The following DSCAM variants were observed in gnomAD, a reference collection of about 807,000 sequenced individuals.
The protein encoded by DSCAM is cell adhesion molecule DSCAM.
DSCAM carries 47 observed loss-of-function variants against 217.7 expected under a neutral mutation model. The observed-to-expected ratio is 0.22, with a 90% CI of 0.17 to 0.28. The LOEUF is 0.28. DSCAM is among the 10% of genes least tolerant of loss of function. The probability of loss-of-function intolerance (pLI) is 1.00; values close to 1 mark genes in which losing one functional copy is unlikely to be tolerated. For missense variants in DSCAM, 2,080 were observed against 2,618.3 expected (o/e 0.79, Z 4.49); for synonymous variants, 1,056 against 1,015.3 (o/e 1.04, Z -0.76).
chr21:40,069,353 T>C (rs2089256218), intron 27 of DSCAM, among the ~76,000 whole-genome samples: 1 of 152,142 alleles, frequency 6.6e-6, no homozygotes, highest in Non-Finnish European at 1.5e-5. Context: ...GTTCTGTTTA[T>C]AGACCACAGC....
Position 40,780,415 on chromosome 21 carries a change from G to GTATATATATATATATATATA in DSCAM, c.43+66203_43+66204insTATATATATATATATATATA, listed in dbSNP as rs1392958197. Among the ~76,000 whole-genome samples, 4 of 44,188 alleles carry GTATATATATATATATATATA rather than the reference G, an allele frequency of 9.1e-5. No homozygotes were observed. The South Asian group carries it at 3.2e-3, about 36-fold the overall frequency. The allele number at this position is 44,188 out of a possible 152,430, so 29.0% of individuals were successfully genotyped here. ...AATATAAACGTGTGTGTGTGTGTGT[G>GTATATATATATATATATATA]TGTGTGTGTATATATATATATATAT... On this transcript the variant is annotated intron_variant, in intron 1 of 32. Transcript: ENST00000400454.
chr21:40,036,820 G>A lies in DSCAM; in HGVS notation c.5686+5551C>T, dbSNP rs2088633983. Among the ~76,000 whole-genome samples, 3 of 148,404 alleles carry A rather than the reference G, an allele frequency of 2.0e-5. No homozygotes were observed. The South Asian group carries it at 6.4e-4, about 31-fold the overall frequency. Reference sequence around the variant, plus strand: ...GCACATCAAAAAGCTTATCCACCATGATCAAGTGGGCTTCATCCCTGGGAT... The same window carrying A: ...GCACATCAAAAAGCTTATCCACCATAATCAAGTGGGCTTCATCCCTGGGAT... On this transcript the variant is annotated intron_variant, in intron 32 of 32. Coordinates refer to ENST00000400454, the MANE Select transcript of DSCAM (RefSeq NM_001389.5).
At chr21:40,743,563 C>A (rs372996944) in intron 1 of DSCAM, among the ~76,000 whole-genome samples, 4 of 151,964 alleles carry the variant, frequency 2.6e-5, no homozygotes, top group Non-Finnish European at 5.9e-5. Context: ...CCAAAACATG[C>A]AGTGAGGATC....
At chr21:40,605,791 CTTTTTTTTTTTTTTTTT>C (rs755767800) in intron 3 of DSCAM, among the ~76,000 whole-genome samples, 8 of 62,006 alleles carry the variant, frequency 1.3e-4, no homozygotes, top group South Asian at 7.5e-4. Flanking sequence ...AATGCACATT[CTTTTTTTTTTTTTTTTT>C]TTTTTTTTTT....
chr21:40,683,337 C>T (rs1394076477), intron 3 of DSCAM, among the ~76,000 whole-genome samples: 1 of 151,974 alleles, frequency 6.6e-6, no homozygotes, highest in Non-Finnish European at 1.5e-5. Flanking sequence ...TAGATTGTAA[C>T]AGGCAAAGCC....
intron 1 of DSCAM, among the ~76,000 whole-genome samples, chr21:40,714,464 G>A (rs914669207): frequency 6.6e-6 from 1 of 152,142 alleles, no homozygotes; most frequent in Non-Finnish European, 1.5e-5. Context: ...TGAGGGACAT[G>A]GAATTAAAGG....
rs1454097750 is a variant in DSCAM at position 40,013,203 on chromosome 21, G to A, written c.5870C>T (p.Thr1957Met). ...PMEAASSASS[T>M]REGQSWQPGA... ...CGGCTGCCACGACTGTCCTTCTCTC[G>A]TGGAGGAGGCGGAGGAGGCGGCTTC... is the stretch of plus-strand genomic sequence containing the variant. The change falls in exon 33 of 33, where the codon ACG (threonine) becomes ATG (methionine). Residue 1957 changes from threonine to methionine, a missense_variant. Thr to Met is a moderately conservative substitution (Grantham distance 81). This residue lies in a region of DSCAM where 145 missense variants were observed against 138.5 expected (regional missense o/e 1.05). Transcript: ENST00000400454. 7.4e-6 allele frequency: 12 copies of A among 1,613,596 alleles called. No individual in the cohort carries two copies. Among genetic ancestry groups the A allele is most frequent in the Non-Finnish European group, 9.3e-6 (11 of 1,179,796 alleles).
rs118084225 is a variant in DSCAM, at chr21:40,154,413, G to A, written c.3019-9682C>T. 6.8e-4 allele frequency among the ~76,000 whole-genome samples: 104 copies of A among 151,908 alleles called. 1 individual carries two copies. The East Asian group carries it at 0.019, about 28-fold the overall frequency. The stretch of plus-strand genomic sequence containing the variant: ...GGATCACAGACATGTCACCATACCC[G>A]GCAAATTTTTGAACTTTTTTTGTAG... On this transcript the variant is annotated intron_variant, in intron 16 of 32. Coordinates refer to ENST00000400454, the MANE Select transcript of DSCAM (RefSeq NM_001389.5).
chr21:40,452,285 C>T (rs2075726927), intron 3 of DSCAM, among the ~76,000 whole-genome samples: 1 of 139,774 alleles, frequency 7.2e-6, no homozygotes. Flanking sequence ...CTGGAGGTAT[C>T]CTGGAAAATA....
At chr21:40,687,507 C>CT (rs1449271759) in intron 3 of DSCAM, among the ~76,000 whole-genome samples, 1 of 151,856 alleles carries the variant, frequency 6.6e-6, no homozygotes, top group Non-Finnish European at 1.5e-5. Flanking sequence ...AAGCAGAGGC[C>CT]CCCCACAGCA....
At position 40,637,520 on chromosome 21, in the gene DSCAM, T is replaced by TATAAATAC. The variant is rs2089808303; in HGVS notation, c.508+55289_508+55290insGTATTTAT. Among the ~76,000 whole-genome samples the TATAAATAC allele has an allele frequency of 2.3e-5, 2 of 86,502 alleles. 1 individual carries two copies. The highest frequency in any genetic ancestry group is 9.3e-5 in the African/African-American group (2 of 21,492). The allele number at this position is 86,502 out of a possible 152,430, so 56.7% of individuals were successfully genotyped here. A position where few individuals can be genotyped will look rare whatever the true frequency, so the allele number is the denominator to read the frequency against. Reference sequence around the variant, plus strand: ...ATAAATATATATAAATATATAAATATATATAAATATATACATATATACATA... The same window carrying TATAAATAC: ...ATAAATATATATAAATATATAAATATATAAATACATATAAATATATACATATATACATA... On this transcript the variant is annotated intron_variant, in intron 3 of 32. Coordinates refer to ENST00000400454, the MANE Select transcript of DSCAM (RefSeq NM_001389.5).
chr21:40,815,304 A>T (rs1233296533), intron 1 of DSCAM, among the ~76,000 whole-genome samples: 2 of 151,922 alleles, frequency 1.3e-5, no homozygotes, highest in African/African-American at 4.8e-5. Context: ...AACAAAGCTC[A>T]TTTGTTTCCA....
chr21:40,251,965 A>T (rs1174894451), intron 11 of DSCAM, among the ~76,000 whole-genome samples: 2 of 152,194 alleles, frequency 1.3e-5, no homozygotes, highest in Non-Finnish European at 2.9e-5. Flanking sequence ...CCAACAGCCA[A>T]AGAGTAAGTG....
At chr21:40,512,320 C>T (rs911549761) in intron 3 of DSCAM, among the ~76,000 whole-genome samples, 1 of 152,106 alleles carries the variant, frequency 6.6e-6, no homozygotes, top group African/African-American at 2.4e-5. Flanking sequence ...GGAAGTCACC[C>T]CACTGCACAC....
chr21:40,152,127 AC>A (rs1478697552), intron 16 of DSCAM, among the ~76,000 whole-genome samples: 3 of 54,114 alleles, frequency 5.5e-5, no homozygotes, highest in African/African-American at 9.6e-5. Context: ...AAAAAAAAAA[AC>A]ACAAAAAAAA....
chr21:40,050,632 G>A (rs11088506), intron 30 of DSCAM, among the ~76,000 whole-genome samples: 41,262 of 151,906 alleles, frequency 0.27, 5,771 homozygotes, highest in Non-Finnish European at 0.3. Flanking sequence ...ACAGGTGCCC[G>A]CCACCAGGCC....
At chr21:40,391,394 A>C (rs2075132902) in intron 3 of DSCAM, among the ~76,000 whole-genome samples, 1 of 152,246 alleles carries the variant, frequency 6.6e-6, no homozygotes, top group South Asian at 2.1e-4. Context: ...GCTATAGTTA[A>C]TGTAAATTAC....
At chr21:40,649,748 T>C (rs1171134869) in intron 3 of DSCAM, among the ~76,000 whole-genome samples, 1 of 152,212 alleles carries the variant, frequency 6.6e-6, no homozygotes, top group Non-Finnish European at 1.5e-5. Context: ...AAAGGTTCAG[T>C]TGAGCCCAGC....
At chr21:40,487,210 C>G (rs546949534) in intron 3 of DSCAM, among the ~76,000 whole-genome samples, 9 of 151,966 alleles carry the variant, frequency 5.9e-5, no homozygotes, top group Admixed American at 5.2e-4. Context: ...AAAGCACTTT[C>G]TCCCTCTCTC....
Sources: gnomAD v4.1 joint callset for allele counts (sites outside exome capture counted in the v4.1 genomes callset) on GRCh38, gnomAD v4.1.1 for gene constraint, gnomAD v4.1.1 regional missense constraint, MANE v1.5 for transcripts, NCBI Gene and HGNC (gene_info 2026-07-23, HGNC 2026-07-21) for gene names.